The following DOCK2 variants were observed in gnomAD, a reference collection of about 807,000 sequenced individuals.
The protein encoded by DOCK2 is dedicator of cytokinesis protein 2.
Under a neutral mutation model 248.9 loss-of-function variants are expected in DOCK2, and 87 were observed. The ratio of observed to expected loss-of-function variants is 0.35; its 90% confidence interval spans 0.29 to 0.42. The LOEUF (loss-of-function observed/expected upper bound fraction) is 0.42. Among genes scored for constraint, DOCK2 ranks in the 10% least tolerant of loss-of-function variants. The probability of loss-of-function intolerance (pLI) is 1.00; values close to 1 mark genes in which losing one functional copy is unlikely to be tolerated. For synonymous variants in DOCK2, 805 were observed against 821.6 expected, an observed-to-expected ratio of 0.98 and a Z score of 0.35; for missense variants, 1,747 against 2,300.2, an observed-to-expected ratio of 0.76 and a Z score of 4.92.
chr5:169,807,060 A>C (rs1313270200), intron 26 of DOCK2, among the ~76,000 whole-genome samples: 4 of 152,052 alleles, frequency 2.6e-5, no homozygotes, highest in African/African-American at 9.7e-5. Flanking sequence ...GCAGGGCGTC[A>C]CTGGCTGGGG....
chr5:169,883,486 A>G, intron 27 of DOCK2: 1 of 1,551,586 alleles, frequency 6.4e-7, no homozygotes, highest in African/African-American at 1.4e-5. Flanking sequence ...CTGTTCAGAG[A>G]GGTTACCGTT....
In DOCK2 at chr5:169,843,428, A is replaced by G. The variant is rs528901707; in HGVS notation, c.2799+2576A>G. Among the ~76,000 whole-genome samples the G allele has an allele frequency of 2.7e-4, 41 of 152,356 alleles. 1 individual carries two copies. The highest frequency in any genetic ancestry group is 9.9e-4 in the African/African-American group (41 of 41,584). Reference sequence around the variant, plus strand: ...TCCCAGCTACTCGGGAGGCTGAGGCAGGAGAATGGCATGAACCCGGGAGGC... The same window carrying G: ...TCCCAGCTACTCGGGAGGCTGAGGCGGGAGAATGGCATGAACCCGGGAGGC... On this transcript the variant is annotated intron_variant, in intron 27 of 51. Coordinates refer to ENST00000520908, the MANE Select transcript of DOCK2 (RefSeq NM_004946.3).
intron 14 of DOCK2, among the ~76,000 whole-genome samples, chr5:169,704,793 GTGTGTGTGTGTGTA>G (rs781776269): frequency 6.8e-5 from 7 of 102,728 alleles, no homozygotes; most frequent in Non-Finnish European, 1.7e-4. Context: ...GTGTGTGTGT[GTGTGTGTGTGTGTA>G]TGTGTATGCA....
chr5:169,639,703 A>G (rs1171805292), intron 1 of DOCK2, among the ~76,000 whole-genome samples: 1 of 152,204 alleles, frequency 6.6e-6, no homozygotes, highest in South Asian at 2.1e-4. Context: ...ATTACATCCT[A>G]TTGGCAAAAA....
At chr5:169,882,080 A>G (rs1484571076) in intron 27 of DOCK2, among the ~76,000 whole-genome samples, 1 of 152,196 alleles carries the variant, frequency 6.6e-6, no homozygotes, top group Non-Finnish European at 1.5e-5. Context: ...CCAGCCCGTC[A>G]TCAAAGTAGT....
At chr5:170,017,961 G>A (rs1031164365) in intron 32 of DOCK2, among the ~76,000 whole-genome samples, 1 of 152,186 alleles carries the variant, frequency 6.6e-6, no homozygotes, top group Non-Finnish European at 1.5e-5. Context: ...GAATGTAGGA[G>A]CTGGAAAATT....
At chr5:169,750,753 A>G (rs1259700869) in intron 23 of DOCK2, among the ~76,000 whole-genome samples, 2 of 152,250 alleles carry the variant, frequency 1.3e-5, no homozygotes, top group Admixed American at 6.5e-5. Context: ...CATAAAACCA[A>G]TGATGCTTTC....
chr5:169,989,189 G>A (rs992944998), intron 29 of DOCK2, among the ~76,000 whole-genome samples: 10 of 152,162 alleles, frequency 6.6e-5, no homozygotes, highest in African/African-American at 1.9e-4. Context: ...TACTGTTTGC[G>A]TATGCAGACA....
At chr5:170,012,715 C>T (rs1289788442) in intron 32 of DOCK2, among the ~76,000 whole-genome samples, 1 of 152,172 alleles carries the variant, frequency 6.6e-6, no homozygotes, top group Non-Finnish European at 1.5e-5. Flanking sequence ...ATTTACTTTT[C>T]CCAGTAGTAT....
intron 27 of DOCK2, among the ~76,000 whole-genome samples, chr5:169,894,680 A>G (rs1164953204): frequency 6.6e-6 from 1 of 152,218 alleles, no homozygotes; most frequent in Admixed American, 6.5e-5. Context: ...CATTTCTGAG[A>G]TGAGTAAACA....
chr5:169,696,013 G>C (rs967193590), intron 10 of DOCK2, 75 bp downstream of exon 10: 1 of 1,490,168 alleles, frequency 6.7e-7, no homozygotes, highest in Non-Finnish European at 8.9e-7. Context: ...ATGATGATTT[G>C]TTTCCCAACC....
At chr5:169,738,632 C>T (rs1192002643) in intron 22 of DOCK2, among the ~76,000 whole-genome samples, 1 of 152,068 alleles carries the variant, frequency 6.6e-6, no homozygotes, top group African/African-American at 2.4e-5. Context: ...AACTCAGGTG[C>T]TTAAAAAAGA....
At chr5:169,802,970 T>A in intron 25 of DOCK2, 88 bp from the exon 26 acceptor site, 1 of 1,447,534 alleles carries the variant, frequency 6.9e-7, no homozygotes, top group Non-Finnish European at 9.3e-7. Flanking sequence ...ATGAACTATT[T>A]ATTTAATGAA....
chr5:169,940,770 A>G (rs971097154), intron 27 of DOCK2, among the ~76,000 whole-genome samples: 3 of 152,224 alleles, frequency 2.0e-5, no homozygotes, highest in Admixed American at 6.5e-5. Flanking sequence ...AGCTGTAAAT[A>G]CAGATAAAGC....
At chr5:169,774,865 T>C (rs1231109373) in intron 25 of DOCK2, among the ~76,000 whole-genome samples, 1 of 151,794 alleles carries the variant, frequency 6.6e-6, no homozygotes, top group Non-Finnish European at 1.5e-5. Context: ...TGCCATCTGG[T>C]TAGTCATCCA....
At chr5:169,969,566 G>A (rs371249171) in intron 27 of DOCK2, among the ~76,000 whole-genome samples, 10 of 152,362 alleles carry the variant, frequency 6.6e-5, no homozygotes, top group African/African-American at 1.9e-4. Flanking sequence ...GTAGGAGAGT[G>A]GGGAGAATTC....
intron 27 of DOCK2, chr5:169,882,900 A>T: frequency 6.4e-7 from 1 of 1,551,608 alleles, no homozygotes; most frequent in East Asian, 2.4e-5. Context: ...GGTGATTGTT[A>T]CTTGATGAAG....
chr5:169,713,429 T>G (rs942628220), intron 17 of DOCK2, among the ~76,000 whole-genome samples: 8 of 152,216 alleles, frequency 5.3e-5, no homozygotes, highest in Admixed American at 2.6e-4. Context: ...AGTCATTCAT[T>G]TTAACATGCC....
At chr5:169,810,898 G>T (rs1767697443) in intron 26 of DOCK2, among the ~76,000 whole-genome samples, 1 of 151,000 alleles carries the variant, frequency 6.6e-6, no homozygotes, top group African/African-American at 2.4e-5. Flanking sequence ...CACCCCCCAT[G>T]AATGATTTGT....
Sources: allele counts gnomAD v4.1 joint callset (sites outside exome capture counted in the v4.1 genomes callset), GRCh38; gene constraint gnomAD v4.1.1; transcripts MANE v1.5; gene names NCBI Gene and HGNC (gene_info 2026-07-23, HGNC 2026-07-21).